Variants in MACROD2 observed in about 807,000 individuals in gnomAD.
MACROD2 encodes the protein ADP-ribose glycohydrolase MACROD2.
Under a neutral mutation model 70.4 loss-of-function variants are expected in MACROD2, and 36 were observed. The observed-to-expected ratio is 0.51, with a 90% CI of 0.39 to 0.68. MACROD2 has a LOEUF of 0.68. Among genes scored for constraint, MACROD2 ranks in the 30% least tolerant of loss-of-function variants. MACROD2 has a pLI of 0.00. For synonymous variants in MACROD2, 172 were observed against 178.8 expected, an observed-to-expected ratio of 0.96 and a Z score of 0.30; for missense variants, 496 against 538.4, an observed-to-expected ratio of 0.92 and a Z score of 0.78.
intron 3 of MACROD2, among the ~76,000 whole-genome samples, chr20:14,206,532 A>G (rs1303562116): frequency 1.3e-5 from 2 of 152,136 alleles, no homozygotes; most frequent in African/African-American, 2.4e-5. Flanking sequence ...CATCTTACCT[A>G]TGATCTTGTT....
chr20:16,000,610 T>C (rs2066696552), intron 15 of MACROD2, among the ~76,000 whole-genome samples: 1 of 152,236 alleles, frequency 6.6e-6, no homozygotes. Context: ...AGTACAGTTT[T>C]CTGCCACTGT....
At chr20:15,536,127 CTG>C (rs2047871777) in intron 8 of MACROD2, among the ~76,000 whole-genome samples, 1 of 152,224 alleles carries the variant, frequency 6.6e-6, no homozygotes, top group Non-Finnish European at 1.5e-5. Context: ...ATCAGCACTT[CTG>C]ATTTCCAGAG....
chr20:15,151,927 G>T (rs1398565824), intron 5 of MACROD2, among the ~76,000 whole-genome samples: 1 of 151,864 alleles, frequency 6.6e-6, no homozygotes. Flanking sequence ...GGTCAGATGG[G>T]TCTGTAGAAG....
intron 15 of MACROD2, among the ~76,000 whole-genome samples, chr20:16,008,439 C>A (rs540510472): frequency 1.3e-5 from 2 of 152,250 alleles, no homozygotes; most frequent in African/African-American, 2.4e-5. Flanking sequence ...TGCTTCAGCC[C>A]CTGGCAACTC....
chr20:14,327,397 C>T (rs2082754317), intron 3 of MACROD2: 1 of 1,613,512 alleles, frequency 6.2e-7, no homozygotes. Flanking sequence ...ACCCGCATCG[C>T]AGCGACACAC....
chr20:15,709,686 T>C (rs1275725039), intron 8 of MACROD2, among the ~76,000 whole-genome samples: 1 of 151,938 alleles, frequency 6.6e-6, no homozygotes, highest in Non-Finnish European at 1.5e-5. Flanking sequence ...AAACAAAATA[T>C]ATTATAATAT....
chr20:15,141,433 A>C (rs796946868), intron 5 of MACROD2, among the ~76,000 whole-genome samples: 17 of 152,154 alleles, frequency 1.1e-4, no homozygotes, highest in Non-Finnish European at 1.9e-4. Flanking sequence ...ACGTATCTGC[A>C]TGTAGAGAAG....
rs1269857737 is a variant in MACROD2, at chr20:14,198,658, G to A, written c.271+112930G>A. 2.0e-5 allele frequency among the ~76,000 whole-genome samples: 3 copies of A among 151,998 alleles called. No homozygotes were observed. The East Asian group carries it at 5.8e-4, about 29-fold the overall frequency. ...GGACAGTGTGTTATTTCTGTTTCTG[G>A]TTTGGTAACAGACAATAATCAATCT... On this transcript the variant is annotated intron_variant, in intron 3 of 17. Transcript: ENST00000684519.
intron 5 of MACROD2, among the ~76,000 whole-genome samples, chr20:14,837,283 C>T (rs1468150604): frequency 6.6e-6 from 1 of 151,842 alleles, no homozygotes; most frequent in African/African-American, 2.4e-5. Context: ...ACAAACTTAT[C>T]ATTAGAACAT....
chr20:15,137,554 T>A (rs1351413162), intron 5 of MACROD2, among the ~76,000 whole-genome samples: 1 of 107,974 alleles, frequency 9.3e-6, no homozygotes, highest in African/African-American at 4.2e-5. Flanking sequence ...CTCTGGGGAC[T>A]GTTGTGGGGT....
intron 8 of MACROD2, among the ~76,000 whole-genome samples, chr20:15,634,263 T>C (rs1018002987): frequency 6.6e-6 from 1 of 152,246 alleles, no homozygotes; most frequent in Non-Finnish European, 1.5e-5. Flanking sequence ...GAGTGGCTAA[T>C]TGGAAGTTCA....
intron 3 of MACROD2, among the ~76,000 whole-genome samples, chr20:14,436,837 T>G (rs2084061674): frequency 6.6e-6 from 1 of 152,224 alleles, no homozygotes; most frequent in Admixed American, 6.5e-5. Flanking sequence ...GGATTATTTG[T>G]GAGACACAGT....
At chr20:16,043,441 A>G (rs1298965574) in intron 16 of MACROD2, among the ~76,000 whole-genome samples, 1 of 152,044 alleles carries the variant, frequency 6.6e-6, no homozygotes, top group Admixed American at 6.6e-5. Flanking sequence ...GCCATTGTCT[A>G]TTTGTATACT....
At chr20:14,168,254 G>A (rs1457953112) in intron 3 of MACROD2, among the ~76,000 whole-genome samples, 1 of 152,116 alleles carries the variant, frequency 6.6e-6, no homozygotes, top group African/African-American at 2.4e-5. Flanking sequence ...ATTAATGAAT[G>A]AATTAGAGAA....
chr20:14,146,048 C>T (rs947988344), intron 3 of MACROD2, among the ~76,000 whole-genome samples: 11 of 152,118 alleles, frequency 7.2e-5, no homozygotes, highest in African/African-American at 2.4e-4. Flanking sequence ...AGTGGCCAGG[C>T]GCGGTGGCTC....
chr20:15,658,602 T>A (rs1286263648), intron 8 of MACROD2, among the ~76,000 whole-genome samples: 1 of 152,208 alleles, frequency 6.6e-6, no homozygotes, highest in Non-Finnish European at 1.5e-5. Context: ...GTGGTCATCG[T>A]GTCAGAATCT....
chr20:16,030,108 G>T (rs1300508763), intron 15 of MACROD2, among the ~76,000 whole-genome samples: 1 of 152,176 alleles, frequency 6.6e-6, no homozygotes, highest in Non-Finnish European at 1.5e-5. Flanking sequence ...CTTTCTCCTG[G>T]AAAGTTCTGA....
chr20:14,546,592 T>G (rs2085493640), intron 4 of MACROD2, among the ~76,000 whole-genome samples: 2 of 152,304 alleles, frequency 1.3e-5, no homozygotes, highest in South Asian at 4.1e-4. Context: ...AGATCCTGAT[T>G]GTCATCCCTG....
chr20:15,621,269 C>A (rs896879367), intron 8 of MACROD2, among the ~76,000 whole-genome samples: 3 of 152,160 alleles, frequency 2.0e-5, no homozygotes, highest in African/African-American at 7.2e-5. Context: ...TTCTTCCCAC[C>A]TGTTTGGAAC....
Sources: allele counts gnomAD v4.1 joint callset (sites outside exome capture counted in the v4.1 genomes callset), GRCh38; gene constraint gnomAD v4.1.1; transcripts MANE v1.5; gene names NCBI Gene and HGNC (gene_info 2026-07-23, HGNC 2026-07-21).